The following TTC29 variants were observed in gnomAD, a reference collection of about 807,000 sequenced individuals.
The protein encoded by TTC29 is tetratricopeptide repeat protein 29.
Under a neutral mutation model 58.1 loss-of-function variants are expected in TTC29, and 49 were observed. The observed-to-expected ratio is 0.84, with a 90% CI of 0.67 to 1.07. The LOEUF (loss-of-function observed/expected upper bound fraction) is 1.07. Ranked by LOEUF, TTC29 falls within the 50% of genes least tolerant of loss-of-function variation. The probability of loss-of-function intolerance (pLI) is 0.00; values close to 1 mark genes in which losing one functional copy is unlikely to be tolerated. For missense variants in TTC29, 582 were observed against 555.6 expected, an observed-to-expected ratio of 1.05 and a Z score of -0.48; for synonymous variants, 209 against 196.8, an observed-to-expected ratio of 1.06 and a Z score of -0.52.
intron 11 of TTC29, among the ~76,000 whole-genome samples, chr4:146,766,365 A>G (rs1406988248): frequency 2.0e-5 from 3 of 152,052 alleles, no homozygotes; most frequent in Admixed American, 6.6e-5. Flanking sequence ...TATGATTTTC[A>G]TAGCTGTTTC....
intron 9 of TTC29, among the ~76,000 whole-genome samples, chr4:146,827,357 C>G (rs1260398895): frequency 6.6e-6 from 1 of 152,188 alleles, no homozygotes; most frequent in African/African-American, 2.4e-5. Flanking sequence ...CATCTTGGCC[C>G]CGCCCCCACA....
intron 8 of TTC29, among the ~76,000 whole-genome samples, chr4:146,865,521 G>C (rs181093704): frequency 4.9e-4 from 75 of 152,248 alleles, no homozygotes; most frequent in Non-Finnish European, 8.8e-4. Context: ...GACGACTAGA[G>C]GGAGGAGAGC....
At chr4:146,827,168 C>T (rs1052830828) in intron 9 of TTC29, among the ~76,000 whole-genome samples, 1 of 152,096 alleles carries the variant, frequency 6.6e-6, no homozygotes, top group Non-Finnish European at 1.5e-5. Context: ...GGAGGGGGCT[C>T]CCCTTCCCCA....
intron 8 of TTC29, among the ~76,000 whole-genome samples, chr4:146,848,446 A>T (rs945790942): frequency 1.5e-4 from 23 of 152,208 alleles, no homozygotes; most frequent in African/African-American, 4.8e-4. Context: ...GGGACAGAGA[A>T]GTTTTAAATA....
At chr4:146,899,913 C>T (rs1733027255) in intron 6 of TTC29, among the ~76,000 whole-genome samples, 1 of 152,196 alleles carries the variant, frequency 6.6e-6, no homozygotes, top group Non-Finnish European at 1.5e-5. Context: ...ATGCTGCCAC[C>T]TGCCCCTGGG....
At chr4:146,713,952 C>T (rs1400385842) in intron 11 of TTC29, among the ~76,000 whole-genome samples, 2 of 152,148 alleles carry the variant, frequency 1.3e-5, no homozygotes, top group African/African-American at 4.8e-5. Flanking sequence ...TTAATGTCTT[C>T]ATACAGTTCT....
chr4:146,832,245 AAC>A (rs1728212031), intron 9 of TTC29, among the ~76,000 whole-genome samples: 1 of 152,210 alleles, frequency 6.6e-6, no homozygotes, highest in Non-Finnish European at 1.5e-5. Flanking sequence ...ATGTACAATC[AAC>A]AGAGTTGATT....
At chr4:146,901,903 A>G (rs768762194) in intron 6 of TTC29, among the ~76,000 whole-genome samples, 7 of 152,170 alleles carry the variant, frequency 4.6e-5, no homozygotes, top group Non-Finnish European at 1.0e-4. Context: ...TGTCTTGTTC[A>G]TTCTGCTATC....
At chr4:146,859,392 AT>A (rs1362170474) in intron 8 of TTC29, among the ~76,000 whole-genome samples, 1 of 151,608 alleles carries the variant, frequency 6.6e-6, no homozygotes, top group African/African-American at 2.4e-5. Flanking sequence ...TTTTATTTAC[AT>A]TTTTTTCTTC....
chr4:146,885,369 C>T (rs1355889624), intron 6 of TTC29, among the ~76,000 whole-genome samples: 3 of 152,018 alleles, frequency 2.0e-5, no homozygotes, highest in African/African-American at 7.2e-5. Context: ...CACCATTAAT[C>T]ACTCAAAATG....
intron 4 of TTC29, among the ~76,000 whole-genome samples, chr4:146,910,230 C>T (rs1733809682): frequency 6.6e-6 from 1 of 151,826 alleles, no homozygotes; most frequent in Non-Finnish European, 1.5e-5. Flanking sequence ...CCCTGGGTCT[C>T]CAGTCTTCTC....
intron 6 of TTC29, among the ~76,000 whole-genome samples, chr4:146,882,297 G>C (rs974254727): frequency 2.6e-5 from 4 of 152,094 alleles, no homozygotes; most frequent in Non-Finnish European, 5.9e-5. Flanking sequence ...AATTTCTAAA[G>C]ATAAGCATTA....
chr4:146,877,085 C>T (rs1192144437), intron 6 of TTC29, among the ~76,000 whole-genome samples: 1 of 151,980 alleles, frequency 6.6e-6, no homozygotes, highest in Admixed American at 6.6e-5. Context: ...TGAAACTTCA[C>T]ATGATAGGAG....
chr4:146,728,592 G>A (rs544200889), intron 11 of TTC29, among the ~76,000 whole-genome samples: 2 of 149,888 alleles, frequency 1.3e-5, no homozygotes, highest in East Asian at 2.0e-4. Context: ...TGATGGAATG[G>A]GGCCAATTTA....
intron 11 of TTC29, among the ~76,000 whole-genome samples, chr4:146,795,181 G>C (rs1157690079): frequency 6.6e-6 from 1 of 152,154 alleles, no homozygotes; most frequent in African/African-American, 2.4e-5. Flanking sequence ...ATATTGGTTA[G>C]TCCTTTTAAT....
chr4:146,836,717 G>C (rs1028884073), intron 8 of TTC29, among the ~76,000 whole-genome samples: 9 of 152,052 alleles, frequency 5.9e-5, no homozygotes, highest in Non-Finnish European at 8.8e-5. Context: ...AAGATGACAT[G>C]CATGTTGCCA....
At chr4:146,871,912 CACATG>C (rs537967857) in intron 7 of TTC29, among the ~76,000 whole-genome samples, 8 of 152,088 alleles carry the variant, frequency 5.3e-5, no homozygotes, top group Admixed American at 5.2e-4. Flanking sequence ...TCCTAAAATT[CACATG>C]GAAATGCAAG....
intron 11 of TTC29, among the ~76,000 whole-genome samples, chr4:146,792,844 T>C (rs1409725146): frequency 6.6e-6 from 1 of 152,186 alleles, no homozygotes; most frequent in Non-Finnish European, 1.5e-5. Context: ...GTGGTCAAAA[T>C]ATATCAATAG....
At chr4:146,804,510 C>A (rs749456766) in intron 10 of TTC29, among the ~76,000 whole-genome samples, 1 of 152,112 alleles carries the variant, frequency 6.6e-6, no homozygotes, top group Non-Finnish European at 1.5e-5. Flanking sequence ...GCCAGCATAG[C>A]AGTCTGAAGT....
Sources: allele counts gnomAD v4.1 joint callset (sites outside exome capture counted in the v4.1 genomes callset), GRCh38; gene constraint gnomAD v4.1.1; transcripts MANE v1.5; gene names NCBI Gene and HGNC (gene_info 2026-07-23, HGNC 2026-07-21).